The following STK32B variants were observed in gnomAD, a reference collection of about 807,000 sequenced individuals.
STK32B encodes serine/threonine-protein kinase 32B.
A neutral mutation model predicts 52.6 loss-of-function variants in STK32B; 43 were observed. The ratio of observed to expected loss-of-function variants is 0.82; its 90% confidence interval spans 0.64 to 1.05. STK32B has a LOEUF of 1.05. Among genes scored for constraint, STK32B ranks in the 50% least tolerant of loss-of-function variants. The probability of loss-of-function intolerance (pLI) is 0.00; values close to 1 mark genes in which losing one functional copy is unlikely to be tolerated. For synonymous variants in STK32B, 238 were observed against 204.3 expected (o/e 1.17, Z -1.41); for missense variants, 621 against 534.6 (o/e 1.16, Z -1.59).
At chr4:5,036,124 G>C in the STK32B span, among the ~76,000 whole-genome samples, 7 of 152,250 alleles carry the variant, frequency 4.6e-5, no homozygotes, top group African/African-American at 7.2e-5. Flanking sequence ...CTTTCAAAAA[G>C]TGTAACTTCC....
chr4:5,037,342 C>T, the STK32B span, among the ~76,000 whole-genome samples: 6 of 152,180 alleles, frequency 3.9e-5, no homozygotes, highest in South Asian at 2.1e-4. Flanking sequence ...CCCTGGTAGG[C>T]GGCAAACACT....
intron 5 of STK32B, among the ~76,000 whole-genome samples, chr4:5,415,224 C>G (rs1181326433): frequency 6.6e-6 from 1 of 152,196 alleles, no homozygotes; most frequent in African/African-American, 2.4e-5. Context: ...TTCTGCATGT[C>G]ACCATCACTC....
chr4:5,238,202 C>T (rs370400098), intron 3 of STK32B, among the ~76,000 whole-genome samples: 5 of 152,210 alleles, frequency 3.3e-5, no homozygotes, highest in Non-Finnish European at 5.9e-5. Context: ...TCTAAAACCA[C>T]GGTGTCAGCA....
At chr4:5,268,156 A>G (rs554705508) in intron 3 of STK32B, among the ~76,000 whole-genome samples, 36 of 152,286 alleles carry the variant, frequency 2.4e-4, no homozygotes, top group Non-Finnish European at 3.8e-4. Context: ...GAGGAATGTA[A>G]AGAAAGTTTC....
At chr4:5,277,950 T>C (rs1238963746) in intron 3 of STK32B, among the ~76,000 whole-genome samples, 1 of 152,214 alleles carries the variant, frequency 6.6e-6, no homozygotes, top group East Asian at 1.9e-4. Flanking sequence ...GTGAGTGACC[T>C]AGAAACGAAA....
At chr4:5,150,272 T>A (rs775527705) in intron 2 of STK32B, among the ~76,000 whole-genome samples, 14 of 152,180 alleles carry the variant, frequency 9.2e-5, no homozygotes, top group African/African-American at 2.2e-4. Flanking sequence ...TTCAGTCATA[T>A]TACCTTTTAT....
rs564470883 is a variant in STK32B at position 5,395,819 on chromosome 4, G to C, written c.435-2388G>C. On this transcript the variant is annotated intron_variant, in intron 4 of 11. Coordinates refer to ENST00000282908, the MANE Select transcript of STK32B (RefSeq NM_018401.3). This position sits in a 1 kb window ranked among gnomAD's most constrained non-coding sequence, Gnocchi z 4.4. The stretch of plus-strand genomic sequence containing the variant: ...TGAGACTGGAGTTGGAACACAGACT[G>C]TCTAGATCATGGGCTGAATTCTCCC... Among the ~76,000 whole-genome samples, 1 of 152,362 alleles carries C rather than the reference G, an allele frequency of 6.6e-6. No homozygotes were observed. Among genetic ancestry groups the C allele is most frequent in the East Asian group, 1.9e-4 (1 of 5,188 alleles).
intron 3 of STK32B, among the ~76,000 whole-genome samples, chr4:5,191,624 A>G (rs1054502871): frequency 2.0e-5 from 3 of 152,224 alleles, no homozygotes; most frequent in Admixed American, 2.0e-4. Context: ...TCTGCTGCTC[A>G]AACATTTTGA....
rs151019793 is a variant in STK32B, at chr4:5,060,726, C to T, written c.52+8811C>T. ...TAGTGACAAATTTTTTCACTTTGTA[C>T]TTGTCTGAAAATGTTTTTATTTAGA... On this transcript the variant is annotated intron_variant, in intron 1 of 11. Coordinates refer to ENST00000282908, the MANE Select transcript of STK32B (RefSeq NM_018401.3). Among the ~76,000 whole-genome samples the T allele has an allele frequency of 1.1e-4, 16 of 152,154 alleles. No individual in the cohort carries two copies. The East Asian group carries it at 3.1e-3, about 29-fold the overall frequency.
At chr4:5,111,932 A>G (rs1024067590) in intron 1 of STK32B, among the ~76,000 whole-genome samples, 1 of 152,098 alleles carries the variant, frequency 6.6e-6, no homozygotes, top group African/African-American at 2.4e-5. Flanking sequence ...CAAATAAAGG[A>G]GATTTCATCA....
rs535477686 is a variant in STK32B, at chr4:5,175,913, A to AG, written c.260+7465dup. On this transcript the variant is annotated intron_variant, in intron 3 of 11. Coordinates refer to ENST00000282908, the MANE Select transcript of STK32B (RefSeq NM_018401.3). ...CTGCCCCCAGAGGTGGAGCCTACAG[A>AG]GGCAGGCAGGCCTCCTTGAGCTGTG... Among the ~76,000 whole-genome samples, 64 of 152,374 alleles carry AG rather than the reference A, an allele frequency of 4.2e-4. No individual in the cohort carries two copies. In the East Asian group the frequency reaches 0.01, roughly 24 times the overall value.
At chr4:5,452,440 G>A (rs1307495690) in intron 7 of STK32B, among the ~76,000 whole-genome samples, 1 of 152,162 alleles carries the variant, frequency 6.6e-6, no homozygotes, top group African/African-American at 2.4e-5. Context: ...AGCCTGGGAG[G>A]TAATGGAGTC....
chr4:5,130,928 G>A (rs762628284), intron 1 of STK32B, among the ~76,000 whole-genome samples: 1 of 152,090 alleles, frequency 6.6e-6, no homozygotes, highest in Non-Finnish European at 1.5e-5. Context: ...TCATGTATAT[G>A]CTCAGTGTCT....
chr4:5,139,378 T>G (rs1035162053), intron 1 of STK32B, among the ~76,000 whole-genome samples: 10 of 152,160 alleles, frequency 6.6e-5, no homozygotes, highest in Non-Finnish European at 1.3e-4. Context: ...GGAGAGCCAC[T>G]GCCAATTAGG....
chr4:5,424,493 C>T (rs1050323079), intron 6 of STK32B, among the ~76,000 whole-genome samples: 1 of 152,182 alleles, frequency 6.6e-6, no homozygotes, highest in Non-Finnish European at 1.5e-5. Flanking sequence ...CCCATAAAAA[C>T]CCCAAACTGA....
At chr4:5,377,205 C>T (rs1735643482) in intron 4 of STK32B, among the ~76,000 whole-genome samples, 1 of 152,148 alleles carries the variant, frequency 6.6e-6, no homozygotes, top group African/African-American at 2.4e-5. Flanking sequence ...AAATACCCAA[C>T]CCCAACGCTA....
In STK32B at chr4:5,267,124, A is replaced by G. The variant is rs1019391454; in HGVS notation, c.261-64096A>G. Among the ~76,000 whole-genome samples, 18 of 8,378 alleles carry G rather than the reference A, an allele frequency of 2.1e-3. No individual in the cohort carries two copies. The African/African-American group carries it at 0.024, about 11-fold the overall frequency. The allele number at this position is 8,378 out of a possible 152,430, so 5.5% of individuals were successfully genotyped here. A position where few individuals can be genotyped will look rare whatever the true frequency, so the allele number is the denominator to read the frequency against. On this transcript the variant is annotated intron_variant, in intron 3 of 11. Coordinates refer to ENST00000282908, the MANE Select transcript of STK32B (RefSeq NM_018401.3). ...GGAGGACATTGTACTAAAAATGTGC[A>G]TTGTTTGCAAAGAGAAAACCACATT...
At chr4:5,153,434 T>G (rs10428279) in intron 2 of STK32B, among the ~76,000 whole-genome samples, 14,154 of 151,776 alleles carry the variant, frequency 0.093, 1,243 homozygotes, top group African/African-American at 0.2. Context: ...GCCCTCAGCA[T>G]GGTACCTGGC....
intron 1 of STK32B, among the ~76,000 whole-genome samples, chr4:5,054,916 A>C (rs1018250990): frequency 3.9e-5 from 6 of 152,318 alleles, no homozygotes; most frequent in African/African-American, 1.4e-4. Context: ...CTCACATGAT[A>C]TATAATAAGC....
Sources: allele counts gnomAD v4.1 joint callset (sites outside exome capture counted in the v4.1 genomes callset), GRCh38; gene constraint gnomAD v4.1.1; non-coding constraint Gnocchi (gnomAD v3.1); transcripts MANE v1.5; gene names NCBI Gene and HGNC (gene_info 2026-07-23, HGNC 2026-07-21).